The following USP39 variants were observed in gnomAD, a reference collection of about 807,000 sequenced individuals.
USP39 encodes ubiquitin carboxyl-terminal hydrolase 39.
A neutral mutation model predicts 66.4 loss-of-function variants in USP39; 38 were observed. The observed-to-expected ratio is 0.57, with a 90% confidence interval of 0.44 to 0.75. The LOEUF (loss-of-function observed/expected upper bound fraction) is 0.75. USP39 is among the 30% of genes least tolerant of loss of function. The probability of loss-of-function intolerance (pLI) is 0.00; values close to 1 mark genes in which losing one functional copy is unlikely to be tolerated. For missense variants in USP39, 608 were observed against 714.4 expected, an observed-to-expected ratio of 0.85 and a Z score of 1.70; for synonymous variants, 303 against 274.6, an observed-to-expected ratio of 1.10 and a Z score of -1.02.
chr2:85,624,353 GT>G (rs536364049), intron 4 of USP39, among the ~76,000 whole-genome samples: 3 of 148,156 alleles, frequency 2.0e-5, no homozygotes, highest in African/African-American at 5.0e-5. Flanking sequence ...CTTGTTTTTG[GT>G]TTTTTTTTTG....
rs114828211 is a variant in USP39, at chr2:85,635,988, G to A, written c.950-65G>A. The A allele has an allele frequency of 5.5e-4, 788 of 1,444,240 alleles. 7 individuals are homozygous for A. The African/African-American group carries it at 9.8e-3, about 18-fold the overall frequency. 89.5% of individuals were successfully genotyped at this position (1,444,240 alleles called of 1,614,324 possible). A position where few individuals can be genotyped will look rare whatever the true frequency, so the allele number is the denominator to read the frequency against. On this transcript the variant is annotated intron_variant, in intron 6 of 12. Transcript: ENST00000323701. ...GGGAGAACCAGGAATGCCAACCAGTGCATGGTTTAAGTTAACTCTAATGCC... is the reference window on the plus strand; with the variant it reads ...GGGAGAACCAGGAATGCCAACCAGTACATGGTTTAAGTTAACTCTAATGCC...
chr2:85,637,224 C>T, intron 7 of USP39, 145 bp from the exon 8 acceptor site: 1 of 770,894 alleles, frequency 1.3e-6, no homozygotes, highest in South Asian at 1.7e-5. Context: ...GTATATAGTA[C>T]AAAAGGAAAC....
chr2:85,641,922 A>G (rs894211948), intron 10 of USP39, among the ~76,000 whole-genome samples: 1 of 149,680 alleles, frequency 6.7e-6, no homozygotes, highest in African/African-American at 2.5e-5. Flanking sequence ...AAAAAAAAAA[A>G]AAAAAAAGAA....
upstream of USP39, chr2:85,611,439 G>C: frequency 6.5e-7 from 1 of 1,527,426 alleles, no homozygotes; most frequent in Non-Finnish European, 8.8e-7. Flanking sequence ...TAAACTTCTT[G>C]CTGGCTCCCC....
chr2:85,623,673 T>C lies in USP39; in HGVS notation c.461T>C (p.Ile154Thr). ...QGRGLKSHAYIHSVQFSHHVF... is the reference protein window; with the variant it reads ...QGRGLKSHAYTHSVQFSHHVF... ...CGGGGTTTGAAGTCTCACGCCTACATTCACAGTGTCCAGTTTAGCCACCAT... is the reference window on the plus strand; with the variant it reads ...CGGGGTTTGAAGTCTCACGCCTACACTCACAGTGTCCAGTTTAGCCACCAT... The change falls in exon 4 of 13, where the codon ATT becomes ACT. Residue 154 changes from isoleucine to threonine, a missense_variant. Around this residue, in one of 6 missense-constraint regions of USP39, gnomAD observed 115 missense variants for 198.6 expected, o/e 0.58. Transcript: ENST00000323701. 1 of 1,613,896 alleles carries C rather than the reference T, an allele frequency of 6.2e-7. No individual in the cohort carries two copies.
At chr2:85,635,668 C>T (rs1041888215) in intron 6 of USP39, among the ~76,000 whole-genome samples, 1 of 152,122 alleles carries the variant, frequency 6.6e-6, no homozygotes, top group African/African-American at 2.4e-5. Flanking sequence ...TTCTGTATGC[C>T]TTTTCAGTCT....
Position 85,616,459 on chromosome 2 carries a change from G to A in USP39, c.264G>A (p.Val88=). 1 of 1,544,334 alleles carries A rather than the reference G, an allele frequency of 6.5e-7. No homozygotes were observed. Among genetic ancestry groups the A allele is most frequent in the Non-Finnish European group, 8.8e-7 (1 of 1,140,274 alleles). ...AGGACTCGGAGCCTGAGCGGGAGGT[G>A]CGAGGTGCGCGGGGCCGGGCCGGGC... ...VDEDSEPERE[V]RAKNGRVDSE... The change falls in exon 1 of 13, where the codon GTG becomes GTA. Residue 88 remains valine (V), a synonymous_variant. Transcript: ENST00000323701.
intron 8 of USP39, 44 bp from the exon 9 acceptor site, chr2:85,639,159 C>G: frequency 6.4e-7 from 1 of 1,568,168 alleles, no homozygotes; most frequent in East Asian, 2.3e-5. Flanking sequence ...GGTTCCTATA[C>G]CCGTCACACT....
chr2:85,603,797 G>C (rs111576563), intron 1 of USP39, among the ~76,000 whole-genome samples: 11,609 of 152,076 alleles, frequency 0.076, 1,494 homozygotes, highest in African/African-American at 0.26. Flanking sequence ...GTTTCACCAT[G>C]TTAGCCAGGA....
chr2:85,629,552 A>G (rs561004882), intron 5 of USP39, among the ~76,000 whole-genome samples: 2 of 145,592 alleles, frequency 1.4e-5, no homozygotes, highest in African/African-American at 5.1e-5. Flanking sequence ...GCTGGAGTGC[A>G]GTGGTGCCAT....
chr2:85,625,653 A>G lies in USP39; in HGVS notation c.685A>G (p.Asn229Asp). The G allele has an allele frequency of 6.2e-7, 1 of 1,613,920 alleles. No individual in the cohort carries two copies. The highest frequency in any genetic ancestry group is 8.5e-7 in the Non-Finnish European group (1 of 1,179,868). The part of the protein sequence containing the change: ...TYLPGIVGLN[N>D]IKANDYANAV... ...CCTGCCGGGTATTGTGGGACTGAAT[A>G]ACATAAAGGCCAATGATTATGCCAA... The change falls in exon 5 of 13, where the codon AAC becomes GAC. Residue 229 changes from asparagine to aspartate, a missense_variant. Physicochemically the swap from Asn to Asp is conservative, Grantham distance 23 (BLOSUM62 1). Transcript: ENST00000323701.
chr2:85,636,215 C>A, intron 7 of USP39, 85 bp downstream of exon 7: 2 of 1,327,182 alleles, frequency 1.5e-6, no homozygotes, highest in East Asian at 4.6e-5. Flanking sequence ...TGCCTATAAT[C>A]CCAGCTCTTT....
At chr2:85,626,335 G>A (rs1674858750) in intron 5 of USP39, among the ~76,000 whole-genome samples, 1 of 152,150 alleles carries the variant, frequency 6.6e-6, no homozygotes, top group African/African-American at 2.4e-5. Flanking sequence ...CTCCAGCCTG[G>A]GCAAGAAGAG....
At chr2:85,637,314 T>C in intron 7 of USP39, 55 bp from the exon 8 acceptor site, 1 of 1,587,790 alleles carries the variant, frequency 6.3e-7, no homozygotes, top group Non-Finnish European at 8.7e-7. Flanking sequence ...GGAAATATAC[T>C]TCAGACATGT....
intron 5 of USP39, 44 bp from the exon 6 acceptor site, chr2:85,630,677 T>C (rs764560875): frequency 5.1e-6 from 8 of 1,576,848 alleles, no homozygotes; most frequent in Non-Finnish European, 7.0e-6. Context: ...GCTCAAGGGG[T>C]CCTACAAAGG....
chr2:85,610,950 G>A (rs1182738026), upstream of USP39: 4 of 498 alleles, frequency 8.0e-3, no homozygotes, highest in African/African-American at 0.17. Context: ...AGTAGAGACG[G>A]GGGTTTCACC....
chr2:85,644,577 A>T (rs1222796215), intron 10 of USP39, among the ~76,000 whole-genome samples: 1 of 151,640 alleles, frequency 6.6e-6, no homozygotes, highest in African/African-American at 2.4e-5. Flanking sequence ...GACCACATGC[A>T]TGTACCACCA....
At chr2:85,639,077 ATCTCTCGGGC>A (rs1676022658) in intron 8 of USP39, 116 bp from the exon 9 acceptor site, 1 of 963,544 alleles carries the variant, frequency 1.0e-6, no homozygotes, top group Admixed American at 3.0e-5. Flanking sequence ...AAACTGCCCA[ATCTCTCGGGC>A]ACTTCTCTTT....
intron 11 of USP39, among the ~76,000 whole-genome samples, chr2:85,646,758 G>A (rs1002067544): frequency 6.6e-5 from 10 of 151,958 alleles, no homozygotes; most frequent in African/African-American, 2.4e-4. Flanking sequence ...TTTTTTCCTT[G>A]TTCATGGAAG....
Sources: gnomAD v4.1 joint callset for allele counts (sites outside exome capture counted in the v4.1 genomes callset) on GRCh38, gnomAD v4.1.1 for gene constraint, gnomAD v4.1.1 regional missense constraint, MANE v1.5 for transcripts, NCBI Gene and HGNC (gene_info 2026-07-23, HGNC 2026-07-21) for gene names.